HACL1: variants seen among roughly 807,000 people sequenced by gnomAD.
HACL1 encodes the protein 1600020H07Rik.
Under a neutral mutation model 74.2 loss-of-function variants are expected in HACL1, and 64 were observed. The ratio of observed to expected loss-of-function variants is 0.86; its 90% CI spans 0.70 to 1.06. HACL1 has a LOEUF of 1.06. HACL1 is among the 50% of genes least tolerant of loss of function. The pLI is 0.00. For synonymous variants in HACL1, 230 were observed against 238.8 expected (o/e 0.96, Z 0.34); for missense variants, 728 against 719.7 (o/e 1.01, Z -0.13).
intron 11 of HACL1, among the ~76,000 whole-genome samples, chr3:15,572,683 G>C (rs1276335635): frequency 2.0e-5 from 3 of 152,350 alleles, no homozygotes; most frequent in South Asian, 2.1e-4. Flanking sequence ...TCCTGTCACA[G>C]TGAAATGTAC....
rs376733420 is a variant in HACL1, at chr3:15,577,599, T to G, written c.803+2311A>C. Among the ~76,000 whole-genome samples the G allele has an allele frequency of 2.0e-5, 3 of 151,812 alleles. No individual in the cohort carries two copies. In the South Asian group the frequency reaches 6.2e-4, roughly 32 times the overall value. On this transcript the variant is annotated intron_variant, in intron 9 of 16. Coordinates refer to ENST00000321169, the MANE Select transcript of HACL1 (RefSeq NM_012260.4). ...TGAGCCCAGGAGATCAAGACCAGCA[T>G]GGGCAACACGGTGAAACCTCGTTTC... is the stretch of plus-strand genomic sequence containing the variant.
At chr3:15,592,056 G>A (rs1007285067) in intron 3 of HACL1, among the ~76,000 whole-genome samples, 6 of 24,240 alleles carry the variant, frequency 2.5e-4, no homozygotes, top group South Asian at 2.4e-3. Flanking sequence ...CACTATATAC[G>A]TATATATACG....
chr3:15,601,152 C>T lies in HACL1; in HGVS notation c.124G>A (p.Glu42Lys). 6.2e-7 allele frequency: 1 copy of T among 1,613,964 alleles called. No homozygotes were observed. Among genetic ancestry groups the T allele is most frequent in the Non-Finnish European group, 8.5e-7 (1 of 1,179,806 alleles). The change falls in exon 2 of 17, where the codon GAA becomes AAA. Residue 42 changes from glutamate (E) to lysine (K), a missense_variant. Physicochemically the swap from Glu to Lys is moderately conservative, Grantham distance 56 (BLOSUM62 1). Coordinates refer to ENST00000321169, the MANE Select transcript of HACL1 (RefSeq NM_012260.4). Reference protein sequence around the residue: ...IFGIVGIPVTEIAIAAQQLGI... With the variant: ...IFGIVGIPVTKIAIAAQQLGI... ...AGCTGCTGGGCAGCAATGGCGATTTCGGTCACTGGGATGCCTACGATGCCA... is the reference window on the plus strand; with the variant it reads ...AGCTGCTGGGCAGCAATGGCGATTTTGGTCACTGGGATGCCTACGATGCCA...
chr3:15,582,850 C>G (rs996268101), intron 8 of HACL1, 27 bp downstream of exon 8: 1 of 1,146,338 alleles, frequency 8.7e-7, no homozygotes, highest in Admixed American at 1.9e-5. Flanking sequence ...AAAAGCCTAG[C>G]AAGATTTAGA....
chr3:15,586,400 G>A, intron 6 of HACL1, 125 bp downstream of exon 6: 1 of 587,840 alleles, frequency 1.7e-6, no homozygotes, highest in South Asian at 2.2e-5. Context: ...TTCTAACAAT[G>A]CCATTTTTAA....
intron 16 of HACL1, among the ~76,000 whole-genome samples, chr3:15,563,081 T>TC (rs1278356034): frequency 6.6e-6 from 1 of 152,164 alleles, no homozygotes; most frequent in Non-Finnish European, 1.5e-5. Flanking sequence ...CATAGTGTGT[T>TC]CAGTTGTGAG....
intron 5 of HACL1, among the ~76,000 whole-genome samples, chr3:15,587,182 A>G (rs1263272590): frequency 6.7e-6 from 1 of 149,952 alleles, no homozygotes; most frequent in African/African-American, 2.5e-5. Context: ...TGAAAAGCTG[A>G]TAGTCCCACA....
At chr3:15,592,352 CTATA>C (rs545262641) in intron 3 of HACL1, among the ~76,000 whole-genome samples, 4 of 136,008 alleles carry the variant, frequency 2.9e-5, no homozygotes, top group African/African-American at 1.1e-4. Flanking sequence ...AGAGTATACT[CTATA>C]TATATGTATA....
chr3:15,597,620 G>A (rs1351713013), intron 2 of HACL1, among the ~76,000 whole-genome samples: 7 of 130,328 alleles, frequency 5.4e-5, no homozygotes, highest in Admixed American at 2.4e-4. Context: ...CCACATTAAC[G>A]ACATAAATGT....
At chr3:15,573,942 C>T (rs1181402682) in intron 10 of HACL1, among the ~76,000 whole-genome samples, 1 of 152,184 alleles carries the variant, frequency 6.6e-6, no homozygotes. Context: ...TGGCATCTTC[C>T]AGGTAACTCT....
At chr3:15,582,840 A>G (rs1352632426) in intron 8 of HACL1, 37 bp downstream of exon 8, 1 of 1,060,190 alleles carries the variant, frequency 9.4e-7, no homozygotes. Flanking sequence ...TGGCACTTTC[A>G]AAAGCCTAGC....
intron 6 of HACL1, 66 bp from the exon 7 acceptor site, chr3:15,585,408 A>G: frequency 2.3e-6 from 2 of 872,166 alleles, no homozygotes; most frequent in Middle Eastern, 2.2e-4. Flanking sequence ...CTACTCAAAG[A>G]TAATTTAAAA....
intron 6 of HACL1, 64 bp downstream of exon 6, chr3:15,586,461 A>T: frequency 2.4e-6 from 2 of 825,810 alleles, no homozygotes; most frequent in Non-Finnish European, 4.1e-6. Flanking sequence ...AATAAAAATA[A>T]CAGTAAGTAT....
At chr3:15,599,847 T>C (rs544953335) in intron 2 of HACL1, among the ~76,000 whole-genome samples, 1 of 152,372 alleles carries the variant, frequency 6.6e-6, no homozygotes, top group African/African-American at 2.4e-5. Flanking sequence ...TATACAGTAC[T>C]TAGTCAATAA....
At chr3:15,575,422 T>C (rs1478058764) in intron 9 of HACL1, among the ~76,000 whole-genome samples, 2 of 152,242 alleles carry the variant, frequency 1.3e-5, no homozygotes, top group East Asian at 3.8e-4. Flanking sequence ...AATCACCCCA[T>C]AATACTTTCA....
chr3:15,591,501 T>C, intron 4 of HACL1, 99 bp downstream of exon 4: 1 of 629,676 alleles, frequency 1.6e-6, no homozygotes, highest in East Asian at 3.1e-5. Context: ...GGTTTTTTTT[T>C]TCCAAGTCTT....
intron 13 of HACL1, 74 bp from the exon 14 acceptor site, chr3:15,568,076 G>T: frequency 8.1e-7 from 1 of 1,233,042 alleles, no homozygotes; most frequent in Non-Finnish European, 1.2e-6. Context: ...AAACCTTCTA[G>T]TCATATTTAC....
chr3:15,563,603 T>C (rs1345688325), intron 15 of HACL1, 59 bp from the exon 16 acceptor site: 1 of 1,114,532 alleles, frequency 9.0e-7, no homozygotes, highest in South Asian at 1.5e-5. Flanking sequence ...AGAAAAAAAG[T>C]CATTCTCTGA....
chr3:15,570,415 T>A (rs1293714367), intron 12 of HACL1, among the ~76,000 whole-genome samples: 1 of 151,328 alleles, frequency 6.6e-6, no homozygotes, highest in Non-Finnish European at 1.5e-5. Flanking sequence ...GATGCGAAAA[T>A]GTGAATTTAT....
Sources: allele counts gnomAD v4.1 joint callset (sites outside exome capture counted in the v4.1 genomes callset), GRCh38; gene constraint gnomAD v4.1.1; transcripts MANE v1.5; gene names NCBI Gene and HGNC (gene_info 2026-07-23, HGNC 2026-07-21).